The following JAKMIP2 variants were observed in gnomAD, a reference collection of about 807,000 sequenced individuals.
The protein encoded by JAKMIP2 is janus kinase and microtubule interacting protein 2.
Under a neutral mutation model 115.0 loss-of-function variants are expected in JAKMIP2, and 25 were observed. The ratio of observed to expected loss-of-function variants is 0.22; its 90% CI spans 0.16 to 0.30. The LOEUF (loss-of-function observed/expected upper bound fraction) is 0.30. JAKMIP2 is among the 10% of genes least tolerant of loss of function. The pLI is 1.00. For synonymous variants in JAKMIP2, 334 were observed against 343.6 expected (o/e 0.97, Z 0.31); for missense variants, 642 against 957.6 (o/e 0.67, Z 4.35).
chr5:147,737,956 A>T (rs1753987369), intron 1 of JAKMIP2, among the ~76,000 whole-genome samples: 1 of 152,192 alleles, frequency 6.6e-6, no homozygotes, highest in Non-Finnish European at 1.5e-5. Context: ...CTCCCACGTA[A>T]CAGGTGTGTG....
intron 16 of JAKMIP2, among the ~76,000 whole-genome samples, chr5:147,626,488 G>C (rs1042430830): frequency 6.6e-6 from 1 of 152,146 alleles, no homozygotes; most frequent in South Asian, 2.1e-4. Flanking sequence ...CAGACTCCTT[G>C]GGTGTGAATC....
At chr5:147,610,497 T>A (rs1756260148) in intron 20 of JAKMIP2, among the ~76,000 whole-genome samples, 1 of 152,166 alleles carries the variant, frequency 6.6e-6, no homozygotes. Context: ...TGTTTGCCGG[T>A]TATCACCAGC....
At chr5:147,760,860 A>G (rs1561580279) in intron 1 of JAKMIP2, among the ~76,000 whole-genome samples, 1 of 152,104 alleles carries the variant, frequency 6.6e-6, no homozygotes, top group Non-Finnish European at 1.5e-5. Context: ...TTGCAGGAGG[A>G]AAGACCTTGA....
intron 16 of JAKMIP2, 133 bp from the exon 17 acceptor site, chr5:147,623,822 A>T (rs910050823): frequency 7.4e-6 from 4 of 538,468 alleles, no homozygotes; most frequent in Non-Finnish European, 1.3e-5. Flanking sequence ...CAAAAACAAC[A>T]CCTTTTTTTG....
At chr5:147,713,468 A>G (rs950780147) in intron 1 of JAKMIP2, among the ~76,000 whole-genome samples, 9 of 152,218 alleles carry the variant, frequency 5.9e-5, no homozygotes, top group African/African-American at 1.9e-4. Context: ...CCCCTTTTCA[A>G]TGAGTAATAA....
chr5:147,742,157 T>TATATATATATA (rs1561571114), intron 1 of JAKMIP2, among the ~76,000 whole-genome samples: 2 of 84,976 alleles, frequency 2.4e-5, no homozygotes, highest in African/African-American at 1.3e-4. Context: ...ATATATATAT[T>TATATATATATA]TTTTTTACTA....
intron 1 of JAKMIP2, among the ~76,000 whole-genome samples, chr5:147,705,873 T>A (rs1423666537): frequency 6.6e-6 from 1 of 152,234 alleles, no homozygotes; most frequent in African/African-American, 2.4e-5. Flanking sequence ...TGTTTTGATG[T>A]GGATGTGGGG....
intron 3 of JAKMIP2, among the ~76,000 whole-genome samples, chr5:147,658,939 A>G (rs1034797426): frequency 6.6e-6 from 1 of 152,284 alleles, no homozygotes; most frequent in African/African-American, 2.4e-5. Flanking sequence ...GAGAATTTCA[A>G]GCAAGTGTTT....
chr5:147,738,980 G>A (rs1754032641), intron 1 of JAKMIP2, among the ~76,000 whole-genome samples: 1 of 152,132 alleles, frequency 6.6e-6, no homozygotes, highest in African/African-American at 2.4e-5. Flanking sequence ...ACAAGATGTA[G>A]GATACAAAAT....
intron 1 of JAKMIP2, among the ~76,000 whole-genome samples, chr5:147,763,033 G>A (rs1320898080): frequency 1.3e-5 from 2 of 151,972 alleles, no homozygotes; most frequent in East Asian, 1.9e-4. Context: ...TCTCTAACCC[G>A]GAGCTAAATC....
At chr5:147,648,965 G>C (rs1447590635) in intron 4 of JAKMIP2, among the ~76,000 whole-genome samples, 3 of 152,164 alleles carry the variant, frequency 2.0e-5, no homozygotes, top group South Asian at 2.1e-4. Context: ...AAAGGTCAAG[G>C]TGAGAAAATG....
intron 21 of JAKMIP2, among the ~76,000 whole-genome samples, chr5:147,600,488 A>C (rs1365405943): frequency 6.6e-6 from 1 of 152,158 alleles, no homozygotes; most frequent in Non-Finnish European, 1.5e-5. Flanking sequence ...GCTGTAGAAA[A>C]TGTTAAATCA....
intron 17 of JAKMIP2, among the ~76,000 whole-genome samples, chr5:147,622,621 G>A (rs1164972149): frequency 6.6e-6 from 1 of 152,176 alleles, no homozygotes; most frequent in Non-Finnish European, 1.5e-5. Context: ...TCCATGATAT[G>A]TATACACCAC....
At chr5:147,698,179 C>T (rs1277777169) in intron 1 of JAKMIP2, among the ~76,000 whole-genome samples, 1 of 152,144 alleles carries the variant, frequency 6.6e-6, no homozygotes, top group African/African-American at 2.4e-5. Context: ...AATGACTGCT[C>T]TATTGGATTT....
At chr5:147,598,578 T>A (rs754976829) in intron 21 of JAKMIP2, among the ~76,000 whole-genome samples, 16 of 152,082 alleles carry the variant, frequency 1.1e-4, no homozygotes, top group Non-Finnish European at 2.2e-4. Context: ...CCAGATAATA[T>A]CTTCTGGAAC....
intron 3 of JAKMIP2, among the ~76,000 whole-genome samples, chr5:147,656,538 G>A (rs777425906): frequency 4.6e-5 from 7 of 152,006 alleles, no homozygotes; most frequent in Non-Finnish European, 8.8e-5. Flanking sequence ...CATTTGCTTG[G>A]CAAATTTTCC....
At position 147,695,317 on chromosome 5, in the gene JAKMIP2, C is replaced by T. The variant is rs1485258311; in HGVS notation, c.-148-23363G>A. ...TGGCACCAATTGCCCGGCTTCCTTCCACAACTACCTCTAAGGTAGAAGACT... is the reference window on the plus strand; with the variant it reads ...TGGCACCAATTGCCCGGCTTCCTTCTACAACTACCTCTAAGGTAGAAGACT... On this transcript the variant is annotated intron_variant, in intron 1 of 21. Coordinates refer to ENST00000616793, the MANE Select transcript of JAKMIP2 (RefSeq NM_001270941.2). Among the ~76,000 whole-genome samples, 5 of 152,284 alleles carry T rather than the reference C, an allele frequency of 3.3e-5. No individual in the cohort carries two copies. The South Asian group carries it at 1.0e-3, about 32-fold the overall frequency.
chr5:147,660,340 C>T (rs1369929231), intron 3 of JAKMIP2: 2 of 323,366 alleles, frequency 6.2e-6, no homozygotes, highest in Admixed American at 7.1e-5. Flanking sequence ...TTAGGGATGA[C>T]ATCCAATTTA....
chr5:147,610,887 A>G (rs1737726919), intron 20 of JAKMIP2, among the ~76,000 whole-genome samples: 1 of 152,170 alleles, frequency 6.6e-6, no homozygotes, highest in African/African-American at 2.4e-5. Context: ...CTGCCCAGAG[A>G]GGAGGAATCT....
Sources: allele counts gnomAD v4.1 joint callset (sites outside exome capture counted in the v4.1 genomes callset), GRCh38; gene constraint gnomAD v4.1.1; transcripts MANE v1.5; gene names NCBI Gene and HGNC (gene_info 2026-07-23, HGNC 2026-07-21).